DCDC2: variants seen among roughly 807,000 people sequenced by gnomAD.
The protein encoded by DCDC2 is doublecortin domain-containing protein 2.
A neutral mutation model predicts 50.2 loss-of-function variants in DCDC2; 40 were observed. The observed-to-expected ratio is 0.80, with a 90% CI of 0.62 to 1.04. The LOEUF is 1.04. DCDC2 is among the 50% of genes least tolerant of loss of function. DCDC2 has a pLI of 0.00. For synonymous variants in DCDC2, 234 were observed against 210.6 expected (o/e 1.11, Z -0.96); for missense variants, 570 against 581.9 (o/e 0.98, Z 0.21).
intron 8 of DCDC2, among the ~76,000 whole-genome samples, chr6:24,183,758 C>A (rs577315395): frequency 6.6e-6 from 1 of 152,046 alleles, no homozygotes; most frequent in African/African-American, 2.4e-5. Context: ...CCACTGTCTC[C>A]GAGATCAAAG....
At chr6:24,358,917 T>TATTATATATTATATATTATATATATTAC (rs1392591358), upstream of DCDC2, among the ~76,000 whole-genome samples, 1 of 20,252 alleles carries the variant, frequency 4.9e-5, no homozygotes. Context: ...ATATATTATA[T>TATTATATATTATATATTATATATATTAC]ATATTATATA....
intron 7 of DCDC2, among the ~76,000 whole-genome samples, chr6:24,215,576 C>T (rs1761955676): frequency 6.6e-6 from 1 of 152,074 alleles, no homozygotes; most frequent in African/African-American, 2.4e-5. Flanking sequence ...CAGAGTGAGA[C>T]CAGGCAAGAC....
chr6:24,223,834 T>C (rs1356738145), intron 7 of DCDC2, among the ~76,000 whole-genome samples: 1 of 152,252 alleles, frequency 6.6e-6, no homozygotes, highest in African/African-American at 2.4e-5. Context: ...GTACAATTGA[T>C]GCAGAGAGCA....
intron 7 of DCDC2, among the ~76,000 whole-genome samples, chr6:24,232,833 G>GAA (rs755834984): frequency 4.2e-5 from 6 of 143,252 alleles, no homozygotes; most frequent in East Asian, 2.0e-4. Flanking sequence ...TGGGGTTCTT[G>GAA]AAAAAAAAAA....
intron 7 of DCDC2, among the ~76,000 whole-genome samples, chr6:24,266,088 T>G (rs1166097565): frequency 2.0e-5 from 3 of 152,000 alleles, no homozygotes; most frequent in Non-Finnish European, 4.4e-5. Flanking sequence ...GAACATACAC[T>G]GGGGAAAGGA....
chr6:24,236,495 T>C (rs1328393000), intron 7 of DCDC2, among the ~76,000 whole-genome samples: 1 of 152,180 alleles, frequency 6.6e-6, no homozygotes, highest in African/African-American at 2.4e-5. Flanking sequence ...GCAAAGAATT[T>C]ATGGCTAAAT....
chr6:24,270,281 C>T (rs1581622674), intron 7 of DCDC2, among the ~76,000 whole-genome samples: 1 of 152,180 alleles, frequency 6.6e-6, no homozygotes, highest in Non-Finnish European at 1.5e-5. Flanking sequence ...CCCTCATTCA[C>T]TAAGCTAGGA....
chr6:24,335,661 T>G (rs559745473), intron 2 of DCDC2, among the ~76,000 whole-genome samples: 12 of 152,280 alleles, frequency 7.9e-5, no homozygotes, highest in African/African-American at 2.9e-4. Context: ...AAAGGAGGTT[T>G]AATTAACTCA....
intron 4 of DCDC2, among the ~76,000 whole-genome samples, chr6:24,296,954 A>G (rs946663594): frequency 6.6e-6 from 1 of 152,210 alleles, no homozygotes; most frequent in African/African-American, 2.4e-5. Context: ...CAGCAATCCC[A>G]TTACTGGGTA....
chr6:24,214,459 T>A (rs1261166603), intron 7 of DCDC2, among the ~76,000 whole-genome samples: 1 of 138,810 alleles, frequency 7.2e-6, no homozygotes, highest in Non-Finnish European at 1.5e-5. Context: ...GTACAAAGAA[T>A]AAAGCACATT....
intron 2 of DCDC2, among the ~76,000 whole-genome samples, chr6:24,333,737 TGGA>T (rs1760008298): frequency 6.6e-6 from 1 of 152,166 alleles, no homozygotes; most frequent in South Asian, 2.1e-4. Context: ...TTCCATATTC[TGGA>T]TGAAATAAAA....
At chr6:24,175,724 A>G (rs1581567131) in intron 9 of DCDC2, among the ~76,000 whole-genome samples, 4 of 152,350 alleles carry the variant, frequency 2.6e-5, no homozygotes. Flanking sequence ...TCCTACAATC[A>G]TATCTCGCTT....
intron 7 of DCDC2, among the ~76,000 whole-genome samples, chr6:24,213,210 GAGT>G (rs535711897): frequency 9.1e-4 from 138 of 152,136 alleles, no homozygotes; most frequent in African/African-American, 2.9e-3. Flanking sequence ...TTATGAGGAT[GAGT>G]AAGAAGAAAA....
intron 2 of DCDC2, among the ~76,000 whole-genome samples, chr6:24,321,084 C>A (rs1759766454): frequency 6.6e-6 from 1 of 150,974 alleles, no homozygotes. Context: ...ATTTTAACAC[C>A]TAAAATAAAT....
At chr6:24,290,260 T>C (rs1763716002) in intron 5 of DCDC2, among the ~76,000 whole-genome samples, 1 of 151,878 alleles carries the variant, frequency 6.6e-6, no homozygotes. Flanking sequence ...CCCAGAGTGC[T>C]GGGATTACAG....
At chr6:24,287,524 GA>G (rs781295755) in intron 6 of DCDC2, among the ~76,000 whole-genome samples, 5 of 152,112 alleles carry the variant, frequency 3.3e-5, no homozygotes, top group Non-Finnish European at 5.9e-5. Context: ...AGATGACAAA[GA>G]TGCCTGCCTT....
At chr6:24,367,906 GA>G in the DCDC2 span, among the ~76,000 whole-genome samples, 2 of 151,804 alleles carry the variant, frequency 1.3e-5, no homozygotes, top group African/African-American at 2.4e-5. Context: ...TATATTTAAA[GA>G]AAAAAAGCGA....
chr6:24,175,685 T>C (rs900867814), intron 9 of DCDC2, among the ~76,000 whole-genome samples: 3 of 152,264 alleles, frequency 2.0e-5, no homozygotes, highest in Admixed American at 2.0e-4. Context: ...CAATTGTTTC[T>C]TGTAAATTCT....
rs576611467 is a variant in DCDC2 at position 24,319,551 on chromosome 6, C to T, written c.349-17507G>A. Among the ~76,000 whole-genome samples, 16 of 152,148 alleles carry T rather than the reference C, an allele frequency of 1.1e-4. No individual in the cohort carries two copies. The East Asian group carries it at 1.9e-3, about 18-fold the overall frequency. On this transcript the variant is annotated intron_variant, in intron 2 of 9. Transcript: ENST00000378454. ...GCTTGTGCTTTTGAGGTCTTAGTCA[C>T]GAATTCTTTGCCTAGACCAATGTCC...
Sources: allele counts gnomAD v4.1 joint callset (sites outside exome capture counted in the v4.1 genomes callset), GRCh38; gene constraint gnomAD v4.1.1; transcripts MANE v1.5; gene names NCBI Gene and HGNC (gene_info 2026-07-23, HGNC 2026-07-21).